ARMH3: variants seen among roughly 807,000 people sequenced by gnomAD.
ARMH3 encodes armadillo like helical domain containing 3, also known as armadillo-like helical domain-containing protein 3.
ARMH3 carries 60 observed loss-of-function variants against 99.1 expected under a neutral mutation model. The observed-to-expected ratio is 0.61, with a 90% CI of 0.49 to 0.75. The LOEUF is 0.75. Among genes scored for constraint, ARMH3 ranks in the 30% least tolerant of loss-of-function variants. ARMH3 has a pLI of 0.00. For synonymous variants in ARMH3, 285 were observed against 292.8 expected, an observed-to-expected ratio of 0.97 and a Z score of 0.27; for missense variants, 679 against 843.1, an observed-to-expected ratio of 0.81 and a Z score of 2.41.
chr10:101,930,902 T>C (rs986619196), intron 23 of ARMH3, among the ~76,000 whole-genome samples: 3 of 152,230 alleles, frequency 2.0e-5, no homozygotes, highest in African/African-American at 7.2e-5. Context: ...TTTATATATA[T>C]TGTCATTTAG....
At chr10:101,949,324 T>C (rs1844689193) in intron 22 of ARMH3, among the ~76,000 whole-genome samples, 1 of 151,118 alleles carries the variant, frequency 6.6e-6, no homozygotes, top group Non-Finnish European at 1.5e-5. Flanking sequence ...ATCAATAAAC[T>C]TGATAAACAT....
chr10:101,900,516 T>C (rs1315634327), intron 23 of ARMH3, among the ~76,000 whole-genome samples: 1 of 152,184 alleles, frequency 6.6e-6, no homozygotes, highest in Non-Finnish European at 1.5e-5. Flanking sequence ...CTCTTGAATA[T>C]GAATTAAGAA....
intron 22 of ARMH3, among the ~76,000 whole-genome samples, chr10:101,956,347 TTC>T (rs138724899): frequency 1.3e-5 from 2 of 150,842 alleles, no homozygotes; most frequent in Non-Finnish European, 3.0e-5. Flanking sequence ...AGCCTCCCTA[TTC>T]TCTCTCTCTC....
chr10:102,035,279 G>T (rs1054673016), intron 2 of ARMH3, among the ~76,000 whole-genome samples: 1 of 152,092 alleles, frequency 6.6e-6, no homozygotes, highest in African/African-American at 2.4e-5. Context: ...GCAGGAGAAT[G>T]GCTTGAACCC....
chr10:102,028,051 C>CA (rs926054840), intron 5 of ARMH3, among the ~76,000 whole-genome samples: 1,948 of 136,226 alleles, frequency 0.014, 18 homozygotes, highest in African/African-American at 0.037. Flanking sequence ...GACTTTTCTC[C>CA]AAAAAAAAAA....
At chr10:101,977,428 A>T (rs1450856894) in intron 19 of ARMH3, among the ~76,000 whole-genome samples, 5 of 152,070 alleles carry the variant, frequency 3.3e-5, no homozygotes, top group East Asian at 3.8e-4. Context: ...ATAATTTAAT[A>T]AAAAAAAATT....
chr10:101,865,082 G>T (rs1048980642), intron 24 of ARMH3, among the ~76,000 whole-genome samples: 64 of 152,050 alleles, frequency 4.2e-4, no homozygotes, highest in African/African-American at 1.5e-3. Context: ...CAGGCATGGT[G>T]GTGGGCGCCT....
intron 16 of ARMH3, among the ~76,000 whole-genome samples, chr10:101,994,073 G>A (rs916889947): frequency 1.3e-5 from 2 of 152,178 alleles, no homozygotes; most frequent in Non-Finnish European, 2.9e-5. Flanking sequence ...CTGCTACACA[G>A]GCAGCGTGGA....
At chr10:101,939,422 A>G (rs1233044544) in intron 23 of ARMH3, among the ~76,000 whole-genome samples, 1 of 152,180 alleles carries the variant, frequency 6.6e-6, no homozygotes, top group Non-Finnish European at 1.5e-5. Context: ...AAGCAACCTA[A>G]AATGACTCAG....
chr10:101,924,898 G>A (rs1843451022), intron 23 of ARMH3, among the ~76,000 whole-genome samples: 1 of 152,156 alleles, frequency 6.6e-6, no homozygotes, highest in Non-Finnish European at 1.5e-5. Flanking sequence ...GGAGGCTGAG[G>A]CGGGAGGATT....
chr10:101,987,037 T>C (rs1388474341), intron 19 of ARMH3, among the ~76,000 whole-genome samples: 2 of 152,158 alleles, frequency 1.3e-5, no homozygotes, highest in Non-Finnish European at 2.9e-5. Context: ...AACATTTGGG[T>C]AGACCAGGTT....
At chr10:101,975,664 G>A (rs758429309) in intron 19 of ARMH3, among the ~76,000 whole-genome samples, 1 of 151,858 alleles carries the variant, frequency 6.6e-6, no homozygotes, top group Admixed American at 6.6e-5. Context: ...AGGAGTTTGA[G>A]ACAAGCTTGG....
chr10:101,993,630 G>C, intron 16 of ARMH3, 27 bp from the exon 17 acceptor site: 2 of 1,455,114 alleles, frequency 1.4e-6, no homozygotes, highest in Non-Finnish European at 1.9e-6. Flanking sequence ...GAAAAAGTAA[G>C]AAGCGAGAGC....
intron 21 of ARMH3, among the ~76,000 whole-genome samples, chr10:101,957,086 C>A (rs897380318): frequency 6.6e-6 from 1 of 152,214 alleles, no homozygotes. Flanking sequence ...TCTGATGTCA[C>A]ATTGATAGCT....
At chr10:102,007,331 A>G (rs1255065649) in intron 13 of ARMH3, among the ~76,000 whole-genome samples, 1 of 146,526 alleles carries the variant, frequency 6.8e-6, no homozygotes, top group African/African-American at 2.5e-5. Flanking sequence ...GGCACCACAG[A>G]CATTTAAAAA....
chr10:101,966,634 C>T (rs1003753846), intron 20 of ARMH3, among the ~76,000 whole-genome samples: 3 of 152,110 alleles, frequency 2.0e-5, no homozygotes, highest in Non-Finnish European at 2.9e-5. Context: ...CCAACACACA[C>T]CCCACAAGGA....
intron 5 of ARMH3, among the ~76,000 whole-genome samples, chr10:102,027,451 T>C (rs2067025832): frequency 2.0e-5 from 3 of 151,996 alleles, no homozygotes; most frequent in Admixed American, 1.3e-4. Context: ...AGTCCCCTCA[T>C]CACAGCGTGG....
chr10:101,885,107 T>C (rs1209902947), intron 24 of ARMH3, among the ~76,000 whole-genome samples: 1 of 152,102 alleles, frequency 6.6e-6, no homozygotes, highest in East Asian at 1.9e-4. Context: ...TACAATGAGA[T>C]ACTACGTCAT....
At position 101,889,024 on chromosome 10, in the gene ARMH3, G is replaced by C. The variant is rs1435243363; in HGVS notation, c.1860+388C>G. On this transcript the variant is annotated intron_variant, in intron 24 of 25. Transcript: ENST00000370033. Reference sequence around the variant, plus strand: ...GGCTCATGTTTTAACGAGCCAAATAGCTTCAAATTAAGCTGAACTCAGGGT... The same window carrying C: ...GGCTCATGTTTTAACGAGCCAAATACCTTCAAATTAAGCTGAACTCAGGGT... Among the ~76,000 whole-genome samples, 3 of 152,150 alleles carry C rather than the reference G, an allele frequency of 2.0e-5. No homozygotes were observed. The South Asian group carries it at 6.2e-4, about 32-fold the overall frequency.
Sources: gnomAD v4.1 joint callset for allele counts (sites outside exome capture counted in the v4.1 genomes callset) on GRCh38, gnomAD v4.1.1 for gene constraint, MANE v1.5 for transcripts, NCBI Gene and HGNC (gene_info 2026-07-23, HGNC 2026-07-21) for gene names.